The following NLGN1 variants were observed in gnomAD, a reference collection of about 807,000 sequenced individuals.
NLGN1 encodes neuroligin 1, also known as neuroligin-1.
A neutral mutation model predicts 65.5 loss-of-function variants in NLGN1; 12 were observed. The observed-to-expected ratio is 0.18, with a 90% CI of 0.12 to 0.30. NLGN1 has a LOEUF of 0.30. NLGN1 is among the 10% of genes least tolerant of loss of function. The probability of loss-of-function intolerance (pLI) is 1.00; values close to 1 mark genes in which losing one functional copy is unlikely to be tolerated. For missense variants in NLGN1, 750 were observed against 1,007.1 expected, an observed-to-expected ratio of 0.74 and a Z score of 3.46; for synonymous variants, 350 against 359.5, an observed-to-expected ratio of 0.97 and a Z score of 0.30.
chr3:173,711,050 A>G (rs946668371), intron 3 of NLGN1, among the ~76,000 whole-genome samples: 1 of 152,164 alleles, frequency 6.6e-6, no homozygotes, highest in Non-Finnish European at 1.5e-5. Flanking sequence ...TTATTATTCA[A>G]TATTAGTCTA....
At chr3:173,588,721 G>A (rs959669552) in intron 2 of NLGN1, among the ~76,000 whole-genome samples, 2 of 152,208 alleles carry the variant, frequency 1.3e-5, no homozygotes, top group African/African-American at 4.8e-5. Flanking sequence ...TTATAGATCA[G>A]AGATGTGTCA....
At chr3:173,847,005 CT>C (rs879930918) in intron 4 of NLGN1, among the ~76,000 whole-genome samples, 29 of 151,862 alleles carry the variant, frequency 1.9e-4, no homozygotes, top group South Asian at 8.3e-4. Flanking sequence ...TAGTGAATAC[CT>C]TTTTTTTAAT....
chr3:173,706,711 T>C (rs1560207316), intron 3 of NLGN1, among the ~76,000 whole-genome samples: 1 of 152,240 alleles, frequency 6.6e-6, no homozygotes, highest in Non-Finnish European at 1.5e-5. Context: ...CAGATATCGA[T>C]CTACAGATAT....
At position 174,014,049 on chromosome 3, in the gene NLGN1, A is replaced by G. The variant is rs141250197; in HGVS notation, c.646+206217A>G. Among the ~76,000 whole-genome samples the G allele has an allele frequency of 6.1e-4, 93 of 152,258 alleles. 1 individual carries two copies. In the East Asian group the frequency reaches 0.015, roughly 24 times the overall value. On this transcript the variant is annotated intron_variant, in intron 4 of 6. Transcript: ENST00000457714. ...ATTTTCTAAAGATACTACTAATAGT[A>G]CAAAGGTATGGTTGATATTGCCACG...
At chr3:173,631,047 C>G (rs1051814934) in intron 3 of NLGN1, among the ~76,000 whole-genome samples, 8 of 152,158 alleles carry the variant, frequency 5.3e-5, no homozygotes, top group African/African-American at 1.7e-4. Context: ...GTGACTGCTC[C>G]GCCTTCTTTG....
Position 173,729,310 on chromosome 3 carries a change from C to G in NLGN1, c.494-78370C>G, listed in dbSNP as rs1038645. 8.2e-3 allele frequency among the ~76,000 whole-genome samples: 1,251 copies of G among 152,154 alleles called. 8 individuals carry two copies. Among genetic ancestry groups the G allele is most frequent in the Middle Eastern group, 0.014 (4 of 294 alleles). The stretch of plus-strand genomic sequence containing the variant: ...GTTGAGTTCAGATTCATCAATGGAT[C>G]AAGGATTCCTAACCCAGATAATACT... On this transcript the variant is annotated intron_variant, in intron 3 of 6. Transcript: ENST00000457714.
intron 3 of NLGN1, among the ~76,000 whole-genome samples, chr3:173,765,732 C>T (rs916269692): frequency 1.6e-4 from 25 of 152,116 alleles, no homozygotes; most frequent in Admixed American, 2.6e-4. Flanking sequence ...TTATATTATA[C>T]GGTAAGAATA....
chr3:173,599,020 C>G (rs765976161), intron 2 of NLGN1, among the ~76,000 whole-genome samples: 15 of 152,232 alleles, frequency 9.9e-5, no homozygotes, highest in Non-Finnish European at 1.6e-4. Context: ...GCTGTGGGAT[C>G]CCTTCTGTGA....
intron 4 of NLGN1, among the ~76,000 whole-genome samples, chr3:174,232,051 C>G (rs975108579): frequency 6.6e-6 from 1 of 152,180 alleles, no homozygotes; most frequent in Non-Finnish European, 1.5e-5. Context: ...TGTGAAGACA[C>G]CACCAAACAG....
chr3:173,847,492 G>A (rs1420917007), intron 4 of NLGN1, among the ~76,000 whole-genome samples: 1 of 152,172 alleles, frequency 6.6e-6, no homozygotes, highest in East Asian at 1.9e-4. Context: ...TATTAAAAAT[G>A]TAGCTTTAAA....
At chr3:173,835,893 C>T (rs1470346428) in intron 4 of NLGN1, among the ~76,000 whole-genome samples, 1 of 152,072 alleles carries the variant, frequency 6.6e-6, no homozygotes, top group African/African-American at 2.4e-5. Context: ...TTTATATATA[C>T]ATTAGCATTT....
At chr3:174,109,393 C>G (rs916305312) in intron 4 of NLGN1, among the ~76,000 whole-genome samples, 4 of 151,874 alleles carry the variant, frequency 2.6e-5, no homozygotes, top group Non-Finnish European at 5.9e-5. Flanking sequence ...CTGTTATACT[C>G]TGTTGAATAG....
chr3:174,108,797 G>A (rs1454844833), intron 4 of NLGN1, among the ~76,000 whole-genome samples: 3 of 152,126 alleles, frequency 2.0e-5, no homozygotes, highest in East Asian at 3.9e-4. Flanking sequence ...CTAAACTTTG[G>A]TCAAGGAAAG....
chr3:173,992,359 T>A (rs957310166), intron 4 of NLGN1, among the ~76,000 whole-genome samples: 1 of 152,102 alleles, frequency 6.6e-6, no homozygotes, highest in African/African-American at 2.4e-5. Flanking sequence ...ATAGCCATAA[T>A]TGAAGCTGCA....
At chr3:173,568,697 A>G (rs1160690474) in intron 2 of NLGN1, among the ~76,000 whole-genome samples, 2 of 152,018 alleles carry the variant, frequency 1.3e-5, no homozygotes, top group Non-Finnish European at 2.9e-5. Flanking sequence ...TTTGTTTGAG[A>G]TGGAATCTCG....
intron 4 of NLGN1, among the ~76,000 whole-genome samples, chr3:174,238,360 CTT>C (rs139629517): frequency 0.11 from 16,815 of 147,600 alleles, 1,653 homozygotes; most frequent in African/African-American, 0.26. Flanking sequence ...TTATGAAGTT[CTT>C]TTTTTTTTGT....
intron 4 of NLGN1, among the ~76,000 whole-genome samples, chr3:173,944,070 G>A (rs995932900): frequency 6.6e-6 from 1 of 150,402 alleles, no homozygotes; most frequent in Non-Finnish European, 1.5e-5. Flanking sequence ...GAACTGAAAC[G>A]TTTTATAATC....
chr3:173,627,523 G>A (rs923583335), intron 3 of NLGN1, among the ~76,000 whole-genome samples: 1 of 152,036 alleles, frequency 6.6e-6, no homozygotes, highest in Non-Finnish European at 1.5e-5. Context: ...CTCTCTTCAA[G>A]GGAGTGATTT....
intron 4 of NLGN1, among the ~76,000 whole-genome samples, chr3:174,032,126 C>A (rs954696101): frequency 6.6e-6 from 1 of 151,802 alleles, no homozygotes; most frequent in Non-Finnish European, 1.5e-5. Context: ...TATACAAAAC[C>A]TCTAAAAATG....
Sources: allele counts gnomAD v4.1 joint callset (sites outside exome capture counted in the v4.1 genomes callset), GRCh38; gene constraint gnomAD v4.1.1; transcripts MANE v1.5; gene names NCBI Gene and HGNC (gene_info 2026-07-23, HGNC 2026-07-21).